The following UGP2 variants were observed in gnomAD, a reference collection of about 807,000 sequenced individuals.
The protein encoded by UGP2 is UTP--glucose-1-phosphate uridylyltransferase.
Under a neutral mutation model 49.0 loss-of-function variants are expected in UGP2, and 40 were observed. That is an observed-to-expected ratio of 0.82 (90% CI 0.63 to 1.06). UGP2 has a LOEUF of 1.06. Among genes scored for constraint, UGP2 ranks in the 50% least tolerant of loss-of-function variants. UGP2 has a pLI of 0.00. For missense variants in UGP2, 460 were observed against 603.5 expected (o/e 0.76, Z 2.49); for synonymous variants, 225 against 213.0 (o/e 1.06, Z -0.49).
intron 1 of UGP2, among the ~76,000 whole-genome samples, chr2:63,854,642 A>G (rs1669264160): frequency 6.6e-6 from 1 of 152,164 alleles, no homozygotes; most frequent in African/African-American, 2.4e-5. Flanking sequence ...TTATTCTTGA[A>G]TATTTTTTAT....
chr2:63,841,058 G>T (rs1671500317), upstream of UGP2: 1 of 152,888 alleles, frequency 6.5e-6, no homozygotes, highest in Non-Finnish European at 1.5e-5. Flanking sequence ...CTGACGGGTG[G>T]ACAAGGGGGG....
intron 1 of UGP2, among the ~76,000 whole-genome samples, chr2:63,847,932 G>A (rs1476366778): frequency 1.3e-5 from 2 of 152,216 alleles, no homozygotes; most frequent in African/African-American, 4.8e-5. Flanking sequence ...TGAGTTCTCA[G>A]AAAGTTAGCA....
chr2:63,877,690 G>C (rs1486735848), intron 3 of UGP2, among the ~76,000 whole-genome samples: 1 of 152,094 alleles, frequency 6.6e-6, no homozygotes, highest in Non-Finnish European at 1.5e-5. Flanking sequence ...TTCACAGCTT[G>C]TCTTGTAAGA....
At chr2:63,889,924 A>G in intron 8 of UGP2, 157 bp from the exon 9 acceptor site, 11 of 603,884 alleles carry the variant, frequency 1.8e-5, no homozygotes, top group South Asian at 1.7e-4. Context: ...GGCATTTAGC[A>G]TATAATGAGT....
rs571254134 is a variant in UGP2 at position 63,871,980 on chromosome 2, A to G, written c.256-10486A>G. Among the ~76,000 whole-genome samples the G allele has an allele frequency of 3.3e-5, 5 of 152,350 alleles. No individual in the cohort carries two copies. The South Asian group carries it at 1.0e-3, about 32-fold the overall frequency. The stretch of plus-strand genomic sequence containing the variant: ...GTTTTATAGGCCATACAATTTGGGG[A>G]TGATTACTCAATTCAGCCATGGTAG... On this transcript the variant is annotated intron_variant, in intron 3 of 9. Transcript: ENST00000337130.
At chr2:63,842,518 CTTTTCCTGGTCTGTG>C (rs781169222) in intron 1 of UGP2, 1 of 1,534,610 alleles carries the variant, frequency 6.5e-7, no homozygotes, top group African/African-American at 1.4e-5. Flanking sequence ...TCCTTGTTCT[CTTTTCCTGGTCTGTG>C]TCAAGGTACC....
At chr2:63,849,051 A>G (rs956178252) in intron 1 of UGP2, among the ~76,000 whole-genome samples, 3 of 152,234 alleles carry the variant, frequency 2.0e-5, no homozygotes, top group Non-Finnish European at 4.4e-5. Flanking sequence ...CATAAACAAT[A>G]AAATGTTTCA....
At chr2:63,885,971 T>G in intron 6 of UGP2, 85 bp downstream of exon 6, 1 of 1,397,976 alleles carries the variant, frequency 7.2e-7, no homozygotes, top group Non-Finnish European at 9.5e-7. Context: ...ATTTGAAAGT[T>G]TCTATGTTAA....
intron 1 of UGP2, chr2:63,855,521 T>TTTTTTTTTTTTTTTTTTTTTTG: frequency 5.0e-5 from 1 of 19,894 alleles, no homozygotes; most frequent in Non-Finnish European, 9.7e-5. Flanking sequence ...TCTTTTTCTG[T>TTTTTTTTTTTTTTTTTTTTTTG]TTTTTTTTTT....
intron 1 of UGP2, among the ~76,000 whole-genome samples, chr2:63,844,610 G>C (rs1229927738): frequency 6.6e-6 from 1 of 152,148 alleles, no homozygotes; most frequent in African/African-American, 2.4e-5. Context: ...TTGCCAGGCT[G>C]GAGTGCAGTG....
chr2:63,867,335 C>G (rs574472573), intron 3 of UGP2, among the ~76,000 whole-genome samples: 106 of 152,276 alleles, frequency 7.0e-4, no homozygotes, highest in Non-Finnish European at 1.4e-3. Flanking sequence ...ACTCCTTAAC[C>G]ATGTAACATT....
intron 8 of UGP2, 42 bp downstream of exon 8, chr2:63,887,686 G>A (rs1671784490): frequency 6.2e-7 from 1 of 1,603,420 alleles, no homozygotes; most frequent in Non-Finnish European, 8.5e-7. Flanking sequence ...TTTCTTAAAT[G>A]TGTAATTATA....
intron 3 of UGP2, among the ~76,000 whole-genome samples, chr2:63,874,939 G>GA (rs1199366087): frequency 2.0e-5 from 3 of 152,248 alleles, no homozygotes; most frequent in East Asian, 3.9e-4. Context: ...ACAGCTTGCA[G>GA]AACTGTGCAC....
At chr2:63,861,702 AAC>A (rs1491360805) in intron 3 of UGP2, among the ~76,000 whole-genome samples, 31 of 151,514 alleles carry the variant, frequency 2.0e-4, no homozygotes, top group African/African-American at 7.5e-4. Context: ...AAAAAAAAAA[AAC>A]AAAAAAACGA....
chr2:63,853,375 T>C (rs139485718), intron 1 of UGP2, among the ~76,000 whole-genome samples: 1 of 152,182 alleles, frequency 6.6e-6, no homozygotes, highest in East Asian at 1.9e-4. Context: ...CTTGAAATAA[T>C]CAAGATAGCT....
At chr2:63,858,343 A>G (rs571362277) in intron 3 of UGP2, among the ~76,000 whole-genome samples, 1 of 152,304 alleles carries the variant, frequency 6.6e-6, no homozygotes, top group Non-Finnish European at 1.5e-5. Flanking sequence ...TTTTATTGGA[A>G]TACAGCTTCA....
At chr2:63,844,973 T>C (rs1157545952) in intron 1 of UGP2, among the ~76,000 whole-genome samples, 1 of 152,222 alleles carries the variant, frequency 6.6e-6, no homozygotes, top group Admixed American at 6.5e-5. Flanking sequence ...AGACTGTCAG[T>C]TCCCATTGGG....
At chr2:63,858,454 G>A (rs778999206) in intron 3 of UGP2, among the ~76,000 whole-genome samples, 16 of 151,556 alleles carry the variant, frequency 1.1e-4, no homozygotes, top group Middle Eastern at 3.2e-3. Context: ...TTAGAGGTAC[G>A]TTTATTTGCA....
At chr2:63,880,190 C>G (rs1437542692) in intron 3 of UGP2, among the ~76,000 whole-genome samples, 2 of 148,896 alleles carry the variant, frequency 1.3e-5, no homozygotes, top group Non-Finnish European at 3.0e-5. Flanking sequence ...CCCCCTCCTC[C>G]CTCTCCTCTT....
Sources: allele counts gnomAD v4.1 joint callset (sites outside exome capture counted in the v4.1 genomes callset), GRCh38; gene constraint gnomAD v4.1.1; transcripts MANE v1.5; gene names NCBI Gene and HGNC (gene_info 2026-07-23, HGNC 2026-07-21).